Variants in SLIT3 observed in about 807,000 individuals in gnomAD.
The protein encoded by SLIT3 is slit homolog 3 protein.
In SLIT3, 68 loss-of-function variants were observed where a neutral mutation model predicts 184.0. The observed-to-expected ratio is 0.37, with a 90% CI of 0.30 to 0.45. The LOEUF is 0.45. Ranked by LOEUF, SLIT3 falls within the 20% of genes least tolerant of loss-of-function variation. SLIT3 has a pLI of 1.00. For missense variants in SLIT3, 1,707 were observed against 2,026.0 expected (o/e 0.84, Z 3.02); for synonymous variants, 831 against 828.6 (o/e 1.00, Z -0.05).
At chr5:168,739,020 G>A (rs1420776864) in intron 20 of SLIT3, among the ~76,000 whole-genome samples, 1 of 151,194 alleles carries the variant, frequency 6.6e-6, no homozygotes, top group East Asian at 1.9e-4. Flanking sequence ...TAAAATTTTG[G>A]AAAACTTTTC....
intron 1 of SLIT3, among the ~76,000 whole-genome samples, chr5:169,298,551 A>G (rs1767586756): frequency 6.6e-6 from 1 of 152,196 alleles, no homozygotes; most frequent in African/African-American, 2.4e-5. Flanking sequence ...CAGACCTAAC[A>G]TCAAAGTGAG....
Position 168,818,107 on chromosome 5 carries a change from G to T in SLIT3, c.630-644C>A, listed in dbSNP as rs77886312. ...CACCCTCCCACTTAAATAAGGTGTT[G>T]TCTGTACCAGACTCTTGCAATCCAT... On this transcript the variant is annotated intron_variant, in intron 7 of 35. Coordinates refer to ENST00000519560, the MANE Select transcript of SLIT3 (RefSeq NM_003062.4). 1.4e-3 allele frequency among the ~76,000 whole-genome samples: 218 copies of T among 152,184 alleles called. 1 individual carries two copies. The highest frequency in any genetic ancestry group is 2.0e-3 in the Non-Finnish European group (136 of 68,016).
At chr5:168,846,558 T>G (rs1388562255) in intron 5 of SLIT3, among the ~76,000 whole-genome samples, 1 of 152,026 alleles carries the variant, frequency 6.6e-6, no homozygotes, top group Non-Finnish European at 1.5e-5. Flanking sequence ...CACCAAACCT[T>G]ACCAAGCAGA....
chr5:169,097,085 A>G (rs1380740338), intron 4 of SLIT3, among the ~76,000 whole-genome samples: 1 of 152,154 alleles, frequency 6.6e-6, no homozygotes, highest in Non-Finnish European at 1.5e-5. Flanking sequence ...CAGGTAACAG[A>G]GCTCCTGAGT....
chr5:168,808,003 A>G (rs1201007498), intron 8 of SLIT3, among the ~76,000 whole-genome samples: 1 of 152,154 alleles, frequency 6.6e-6, no homozygotes, highest in Non-Finnish European at 1.5e-5. Flanking sequence ...GTGCCAGCCC[A>G]ATGACCAAAG....
intron 3 of SLIT3, among the ~76,000 whole-genome samples, chr5:169,205,910 T>C (rs1168339735): frequency 6.6e-6 from 1 of 152,232 alleles, no homozygotes; most frequent in Non-Finnish European, 1.5e-5. Context: ...AAGAGGCTCA[T>C]GCCAGCAGTT....
At chr5:168,847,523 T>C (rs1758514120) in intron 5 of SLIT3, among the ~76,000 whole-genome samples, 2 of 152,292 alleles carry the variant, frequency 1.3e-5, no homozygotes, top group South Asian at 2.1e-4. Context: ...CATCAGCGTA[T>C]TCGTAAAAAG....
At chr5:169,166,766 T>C (rs1432522212) in intron 4 of SLIT3, among the ~76,000 whole-genome samples, 3 of 152,174 alleles carry the variant, frequency 2.0e-5, no homozygotes, top group Non-Finnish European at 4.4e-5. Flanking sequence ...ATGAAAAGAA[T>C]GATGCCTCCT....
chr5:169,156,885 GACTTGGGACC>G (rs1309458910), intron 4 of SLIT3, among the ~76,000 whole-genome samples: 1 of 152,210 alleles, frequency 6.6e-6, no homozygotes, highest in African/African-American at 2.4e-5. Context: ...GCTGGCAAGG[GACTTGGGACC>G]TCAGGAATGA....
At chr5:168,755,414 T>TC (rs1561913416) in intron 16 of SLIT3, among the ~76,000 whole-genome samples, 1 of 27,956 alleles carries the variant, frequency 3.6e-5, no homozygotes, top group East Asian at 1.2e-3. Flanking sequence ...TCTTTCTTTC[T>TC]TTCTTTCTTT....
chr5:168,906,299 G>T (rs1207076934), intron 4 of SLIT3, among the ~76,000 whole-genome samples: 3 of 152,218 alleles, frequency 2.0e-5, no homozygotes, highest in African/African-American at 4.8e-5. Context: ...GTTGCCCATT[G>T]TCTCTAGCGA....
rs1431802589 is a variant in SLIT3, at chr5:168,772,785, G to A, written c.1455C>T (p.Cys485=). The change falls in exon 14 of 36, where the codon TGC becomes TGT. Residue 485 remains cysteine (C), a synonymous_variant. Coordinates refer to ENST00000519560, the MANE Select transcript of SLIT3 (RefSeq NM_003062.4). ...CCAGCCCCGTAACCTGATTACCTGAGCAGCGGAACTTCTTGCTCTTGATCT... is the reference window on the plus strand; with the variant it reads ...CCAGCCCCGTAACCTGATTACCTGAACAGCGGAACTTCTTGCTCTTGATCT... The part of the protein sequence containing the change: ...ISQIKSKKFR[C]SGSEDYRSRF... 1 of 1,614,170 alleles carries A rather than the reference G, an allele frequency of 6.2e-7. No individual in the cohort carries two copies. The highest frequency in any genetic ancestry group is 8.5e-7 in the Non-Finnish European group (1 of 1,180,024).
At chr5:169,019,955 T>C (rs1399956937) in intron 4 of SLIT3, among the ~76,000 whole-genome samples, 1 of 152,178 alleles carries the variant, frequency 6.6e-6, no homozygotes, top group African/African-American at 2.4e-5. Context: ...GAATAAGTGT[T>C]TTCCCTGGGC....
At chr5:168,715,433 C>A (rs1030831256) in intron 23 of SLIT3, among the ~76,000 whole-genome samples, 4 of 152,252 alleles carry the variant, frequency 2.6e-5, no homozygotes, top group Admixed American at 6.5e-5. Context: ...TCTGGCCAAT[C>A]AGAGTCACAG....
intron 4 of SLIT3, among the ~76,000 whole-genome samples, chr5:168,893,745 C>T (rs886537193): frequency 5.9e-5 from 9 of 152,124 alleles, no homozygotes; most frequent in Non-Finnish European, 1.0e-4. Context: ...GGCAGGGGAA[C>T]GTTTATGAAA....
chr5:169,244,774 T>A lies in SLIT3; in HGVS notation c.272A>T (p.His91Leu). The change falls in exon 3 of 36, where the codon CAT becomes CTT. Residue 91 changes from histidine (H) to leucine (L), a missense_variant and splice_region_variant. Physicochemically the swap from His to Leu is moderately conservative, Grantham distance 99. Coordinates refer to ENST00000519560, the MANE Select transcript of SLIT3 (RefSeq NM_003062.4). ...GACGCTGACCTGGTTGTCTTCCAGA[T>A]GCCTACAACCACAGAGACAGCAATG... ...FAGLKNLRVL[H>L]LEDNQVSVIE... 1.2e-6 allele frequency: 2 copies of A among 1,613,612 alleles called. No homozygotes were observed. The highest frequency in any genetic ancestry group is 1.7e-6 in the Non-Finnish European group (2 of 1,179,900).
At chr5:168,905,364 T>C (rs879183586) in intron 4 of SLIT3, among the ~76,000 whole-genome samples, 1 of 152,210 alleles carries the variant, frequency 6.6e-6, no homozygotes, top group Admixed American at 6.5e-5. Context: ...ACCTGTATGC[T>C]TGCTGGTGCA....
At chr5:168,800,815 G>C (rs1180585002) in intron 9 of SLIT3, among the ~76,000 whole-genome samples, 5 of 152,158 alleles carry the variant, frequency 3.3e-5, no homozygotes, top group African/African-American at 4.8e-5. Context: ...ATGCCACAGA[G>C]GAAATTATTT....
chr5:169,033,810 A>ATTT (rs568929106), intron 4 of SLIT3, among the ~76,000 whole-genome samples: 23 of 116,132 alleles, frequency 2.0e-4, no homozygotes, highest in Non-Finnish European at 2.5e-4. Flanking sequence ...CTATTGTATG[A>ATTT]TTTTTTTTTT....
Sources: allele counts gnomAD v4.1 joint callset (sites outside exome capture counted in the v4.1 genomes callset), GRCh38; gene constraint gnomAD v4.1.1; transcripts MANE v1.5; gene names NCBI Gene and HGNC (gene_info 2026-07-23, HGNC 2026-07-21).